ENKUR: variants seen among roughly 807,000 people sequenced by gnomAD.
ENKUR encodes enkurin.
ENKUR carries 19 observed loss-of-function variants against 27.6 expected under a neutral mutation model. The ratio of observed to expected loss-of-function variants is 0.69; its 90% CI spans 0.48 to 1.01. ENKUR has a LOEUF of 1.01. Ranked by LOEUF, ENKUR falls within the 50% of genes least tolerant of loss-of-function variation. The pLI is 0.00. For synonymous variants in ENKUR, 117 were observed against 96.9 expected, an observed-to-expected ratio of 1.21 and a Z score of -1.22; for missense variants, 312 against 310.5, an observed-to-expected ratio of 1.00 and a Z score of -0.04.
upstream of ENKUR, among the ~76,000 whole-genome samples, chr10:25,019,009 A>G (rs966593186): frequency 6.6e-6 from 1 of 152,122 alleles, no homozygotes; most frequent in African/African-American, 2.4e-5. Flanking sequence ...CCTCTGTTTC[A>G]TGGCAAGTGG....
chr10:25,002,189 G>A (rs1850201916), intron 1 of ENKUR, among the ~76,000 whole-genome samples: 1 of 152,186 alleles, frequency 6.6e-6, no homozygotes, highest in South Asian at 2.1e-4. Context: ...GTCTCCACCT[G>A]GGCTGGTGGG....
intron 2 of ENKUR, among the ~76,000 whole-genome samples, chr10:24,996,490 A>G (rs1039793527): frequency 2.0e-5 from 3 of 151,770 alleles, no homozygotes; most frequent in Non-Finnish European, 4.4e-5. Flanking sequence ...TATAAATACA[A>G]GGAAGAAGTA....
intron 4 of ENKUR, among the ~76,000 whole-genome samples, chr10:24,987,318 C>T (rs1849801124): frequency 6.6e-6 from 1 of 152,114 alleles, no homozygotes. Flanking sequence ...TCCCTTAACC[C>T]TACTTCACTT....
chr10:25,008,570 AC>A (rs1199443047), intron 1 of ENKUR, among the ~76,000 whole-genome samples: 1 of 152,204 alleles, frequency 6.6e-6, no homozygotes, highest in Non-Finnish European at 1.5e-5. Flanking sequence ...AAAATGAAAC[AC>A]TGATTATGTG....
intron 1 of ENKUR, among the ~76,000 whole-genome samples, chr10:25,013,681 G>A (rs1391236993): frequency 5.9e-5 from 9 of 152,190 alleles, no homozygotes. Context: ...GGTGGCTCAC[G>A]CCTATAATCA....
intron 3 of ENKUR, among the ~76,000 whole-genome samples, chr10:24,995,208 G>A (rs1046882423): frequency 6.6e-6 from 1 of 152,098 alleles, no homozygotes; most frequent in African/African-American, 2.4e-5. Flanking sequence ...CTGATGAGAT[G>A]GATGGCTCTA....
chr10:25,039,121 A>G (rs563226145), intron 2 of ENKUR, among the ~76,000 whole-genome samples: 8 of 152,362 alleles, frequency 5.3e-5, no homozygotes, highest in African/African-American at 1.4e-4. Context: ...TTAAGTCTAC[A>G]TTACAATTTT....
chr10:25,004,639 A>C (rs1283904176), intron 1 of ENKUR, among the ~76,000 whole-genome samples: 3 of 152,042 alleles, frequency 2.0e-5, no homozygotes, highest in East Asian at 1.9e-4. Flanking sequence ...AATTTGTTTA[A>C]GTTTCTTATA....
chr10:25,017,868 G>A (rs961838055), upstream of ENKUR, among the ~76,000 whole-genome samples: 1 of 152,156 alleles, frequency 6.6e-6, no homozygotes, highest in Non-Finnish European at 1.5e-5. Context: ...CCTCCTGTAT[G>A]TACGAAGATT....
chr10:24,984,616 T>G, intron 5 of ENKUR, 120 bp downstream of exon 5: 2 of 1,079,372 alleles, frequency 1.9e-6, no homozygotes, highest in Non-Finnish European at 2.6e-6. Context: ...AGCATTCTGA[T>G]TAAGACTATT....
intron 2 of ENKUR, among the ~76,000 whole-genome samples, chr10:25,021,236 T>C (rs1186816870): frequency 6.6e-6 from 1 of 152,218 alleles, no homozygotes; most frequent in Non-Finnish European, 1.5e-5. Flanking sequence ...CTATGATATG[T>C]GCTTTGATTT....
At chr10:24,995,584 C>CTATGTTATCATT in intron 3 of ENKUR, 62 bp downstream of exon 3, 1 of 1,391,512 alleles carries the variant, frequency 7.2e-7, no homozygotes, top group African/African-American at 1.4e-5. Context: ...AGATGATCAT[C>CTATGTTATCATT]ATGAACACCA....
At chr10:24,994,324 G>T in intron 3 of ENKUR, among the ~76,000 whole-genome samples, 1 of 136,764 alleles carries the variant, frequency 7.3e-6, no homozygotes, top group African/African-American at 2.7e-5. Flanking sequence ...TTATTCTTTA[G>T]AATTCTGCAC....
rs560792006 is a variant in ENKUR, at chr10:25,001,921, A to T, written c.78-2375T>A. On this transcript the variant is annotated intron_variant, in intron 1 of 5. Coordinates refer to ENST00000331161, the MANE Select transcript of ENKUR (RefSeq NM_145010.4). Reference sequence around the variant, plus strand: ...TGCATGCCTGGTAATTTTTGATTGGATGCCAAACATTGTGAATTTTACATT... The same window carrying T: ...TGCATGCCTGGTAATTTTTGATTGGTTGCCAAACATTGTGAATTTTACATT... 2.7e-4 allele frequency among the ~76,000 whole-genome samples: 41 copies of T among 152,266 alleles called. 1 individual carries two copies. In the South Asian group the frequency reaches 8.5e-3, roughly 32 times the overall value.
chr10:25,039,865 G>A (rs1483689416), intron 2 of ENKUR, among the ~76,000 whole-genome samples: 3 of 151,572 alleles, frequency 2.0e-5, no homozygotes, highest in African/African-American at 4.9e-5. Context: ...AATAGCATGG[G>A]TGCAGCACAC....
intron 3 of ENKUR, among the ~76,000 whole-genome samples, chr10:24,994,945 C>T (rs77980800): frequency 1.3e-5 from 2 of 151,934 alleles, no homozygotes; most frequent in African/African-American, 2.4e-5. Context: ...TCACTCGAGC[C>T]GGAAGTTGGA....
chr10:25,030,315 G>A (rs1472320668), intron 2 of ENKUR, among the ~76,000 whole-genome samples: 1 of 152,048 alleles, frequency 6.6e-6, no homozygotes, highest in Admixed American at 6.5e-5. Context: ...GAAATTGCTT[G>A]TCTAACAATG....
upstream of ENKUR, chr10:25,016,171 G>A (rs1850567238): frequency 3.4e-6 from 4 of 1,192,108 alleles, no homozygotes; most frequent in Non-Finnish European, 4.2e-6. Context: ...GGTTGCCGTG[G>A]AAACCGTTAC....
intron 1 of ENKUR, among the ~76,000 whole-genome samples, chr10:25,014,565 A>G (rs574324762): frequency 6.6e-6 from 1 of 152,302 alleles, no homozygotes; most frequent in East Asian, 1.9e-4. Flanking sequence ...TTAATTTGCC[A>G]AAGAACAGAA....
Sources: gnomAD v4.1 joint callset for allele counts (sites outside exome capture counted in the v4.1 genomes callset) on GRCh38, gnomAD v4.1.1 for gene constraint, MANE v1.5 for transcripts, NCBI Gene and HGNC (gene_info 2026-07-23, HGNC 2026-07-21) for gene names.